Variants in NTRK2 observed in about 807,000 individuals in gnomAD.
The protein encoded by NTRK2 is BDNF/NT-3 growth factors receptor.
NTRK2 carries 13 observed loss-of-function variants against 94.5 expected under a neutral mutation model. The ratio of observed to expected loss-of-function variants is 0.14; its 90% CI spans 0.09 to 0.22. The LOEUF (loss-of-function observed/expected upper bound fraction) is 0.22, where lower values mean the gene tolerates loss of function less well. Ranked by LOEUF, NTRK2 falls within the 10% of genes least tolerant of loss-of-function variation. NTRK2 has a pLI of 1.00. For missense variants in NTRK2, 639 were observed against 1,071.2 expected (o/e 0.60, Z 5.63); for synonymous variants, 372 against 407.4 (o/e 0.91, Z 1.05).
rs1228541096 is a variant in NTRK2, at chr9:84,724,469, G to C, written c.853+113G>C. 4 of 1,207,704 alleles carry C rather than the reference G, an allele frequency of 3.3e-6. No homozygotes were observed. The African/African-American group carries it at 6.0e-5, about 18-fold the overall frequency. 74.8% of individuals were successfully genotyped at this position (1,207,704 alleles called of 1,614,324 possible). A position where few individuals can be genotyped will look rare whatever the true frequency, so the allele number is the denominator to read the frequency against. On this transcript the variant is annotated intron_variant, in intron 8 of 18. Coordinates refer to ENST00000277120, the MANE Select transcript of NTRK2 (RefSeq NM_006180.6). ...AAATTTGTTAAAAAAAGTATATGCA[G>C]TGTTTTGTGCATACTCTATTAAGAA...
At chr9:84,680,783 G>C (rs1162406415) in intron 2 of NTRK2, among the ~76,000 whole-genome samples, 1 of 152,094 alleles carries the variant, frequency 6.6e-6, no homozygotes, top group Admixed American at 6.6e-5. Flanking sequence ...CCATTCCACT[G>C]TTTTTCAAAC....
At chr9:84,767,833 A>G (rs563129517) in intron 12 of NTRK2, among the ~76,000 whole-genome samples, 5 of 152,304 alleles carry the variant, frequency 3.3e-5, no homozygotes, top group Admixed American at 3.3e-4. Flanking sequence ...TTACTGTCAT[A>G]TAGCTCTTTC....
At chr9:84,684,560 T>C (rs990742319) in intron 2 of NTRK2, among the ~76,000 whole-genome samples, 1 of 152,204 alleles carries the variant, frequency 6.6e-6, no homozygotes, top group African/African-American at 2.4e-5. Context: ...AAGTAAATAT[T>C]GCCAAGTTGT....
intron 14 of NTRK2, among the ~76,000 whole-genome samples, chr9:84,885,114 T>C (rs2076373362): frequency 6.6e-6 from 1 of 152,252 alleles, no homozygotes; most frequent in African/African-American, 2.4e-5. Flanking sequence ...TCTCCAGGTC[T>C]AATTAATACT....
intron 2 of NTRK2, among the ~76,000 whole-genome samples, chr9:84,690,213 T>G (rs1330294363): frequency 1.3e-5 from 2 of 152,208 alleles, no homozygotes; most frequent in Non-Finnish European, 2.9e-5. Flanking sequence ...AAAACAGACC[T>G]TCATAGAGAT....
chr9:84,708,013 A>G, intron 5 of NTRK2, 101 bp downstream of exon 5: 1 of 912,870 alleles, frequency 1.1e-6, no homozygotes, highest in Non-Finnish European at 1.8e-6. Context: ...CTATTTTTAT[A>G]CCAAATTCTC....
At chr9:84,951,894 C>T (rs2078796466) in intron 16 of NTRK2, among the ~76,000 whole-genome samples, 1 of 152,138 alleles carries the variant, frequency 6.6e-6, no homozygotes, top group Non-Finnish European at 1.5e-5. Context: ...TGTCTCCCTA[C>T]CCTCTTTATT....
intron 14 of NTRK2, among the ~76,000 whole-genome samples, chr9:84,918,546 G>A (rs940404585): frequency 6.6e-6 from 1 of 152,168 alleles, no homozygotes; most frequent in Non-Finnish European, 1.5e-5. Flanking sequence ...TTTTACTTCT[G>A]AAAAGCCTGG....
At chr9:85,001,602 G>C (rs990581468) in intron 17 of NTRK2, among the ~76,000 whole-genome samples, 2 of 152,236 alleles carry the variant, frequency 1.3e-5, no homozygotes, top group Non-Finnish European at 2.9e-5. Flanking sequence ...GTAGCAGAGA[G>C]AGGGAGAAAG....
chr9:84,986,119 T>C (rs1197309441), intron 17 of NTRK2, among the ~76,000 whole-genome samples: 2 of 152,170 alleles, frequency 1.3e-5, no homozygotes, highest in African/African-American at 2.4e-5. Context: ...TGACTACTAC[T>C]TGAAGCCCAG....
intron 12 of NTRK2, among the ~76,000 whole-genome samples, chr9:84,831,559 C>T (rs1266327054): frequency 6.6e-6 from 1 of 152,206 alleles, no homozygotes; most frequent in Admixed American, 6.5e-5. Flanking sequence ...CATATGCCAA[C>T]TCCTGTAATC....
intron 12 of NTRK2, among the ~76,000 whole-genome samples, chr9:84,808,573 A>C (rs2071393864): frequency 6.6e-6 from 1 of 152,234 alleles, no homozygotes. Context: ...TTAATTTGGC[A>C]TGCTCATTTT....
intron 14 of NTRK2, among the ~76,000 whole-genome samples, chr9:84,932,576 A>G (rs1324124713): frequency 6.6e-6 from 1 of 152,232 alleles, no homozygotes; most frequent in Non-Finnish European, 1.5e-5. Flanking sequence ...TCAATTAAAA[A>G]AACATTTTAA....
At chr9:84,752,504 C>T (rs988659856) in intron 12 of NTRK2, among the ~76,000 whole-genome samples, 1 of 152,178 alleles carries the variant, frequency 6.6e-6, no homozygotes, top group Non-Finnish European at 1.5e-5. Flanking sequence ...TGGTGTTGTT[C>T]CTGCTTTTCC....
At chr9:84,976,409 T>G (rs1233773847) in intron 17 of NTRK2, among the ~76,000 whole-genome samples, 1 of 152,190 alleles carries the variant, frequency 6.6e-6, no homozygotes, top group African/African-American at 2.4e-5. Flanking sequence ...CTGCTTGCAA[T>G]GCAGTTGCAT....
chr9:84,858,813 G>T (rs1291948286), intron 12 of NTRK2, among the ~76,000 whole-genome samples: 1 of 151,882 alleles, frequency 6.6e-6, no homozygotes, highest in East Asian at 1.9e-4. Context: ...TAATTATACT[G>T]TTTTAAAATT....
At chr9:84,752,548 T>G (rs1355882438) in intron 12 of NTRK2, among the ~76,000 whole-genome samples, 1 of 152,232 alleles carries the variant, frequency 6.6e-6, no homozygotes, top group Non-Finnish European at 1.5e-5. Flanking sequence ...AACAACAGTG[T>G]TATGAAGCAA....
intron 12 of NTRK2, among the ~76,000 whole-genome samples, chr9:84,833,268 A>G (rs892841630): frequency 1.9e-4 from 29 of 152,194 alleles, no homozygotes; most frequent in Admixed American, 6.5e-4. Context: ...TAAAATATCC[A>G]TGCCTGGGAT....
At chr9:84,837,286 G>C (rs1229185248) in intron 12 of NTRK2, among the ~76,000 whole-genome samples, 1 of 152,050 alleles carries the variant, frequency 6.6e-6, no homozygotes, top group Non-Finnish European at 1.5e-5. Flanking sequence ...AGTTGATAAA[G>C]CTGTGATTGA....
Sources: allele counts gnomAD v4.1 joint callset (sites outside exome capture counted in the v4.1 genomes callset), GRCh38; gene constraint gnomAD v4.1.1; transcripts MANE v1.5; gene names NCBI Gene and HGNC (gene_info 2026-07-23, HGNC 2026-07-21).